Variants in FZD3 observed in about 807,000 individuals in gnomAD.
The protein encoded by FZD3 is frizzled-3.
FZD3 carries 30 observed loss-of-function variants against 60.7 expected under a neutral mutation model. That is an observed-to-expected ratio of 0.49 (90% CI 0.37 to 0.67). FZD3 has a LOEUF of 0.67. FZD3 is among the 30% of genes least tolerant of loss of function. FZD3 has a pLI of 0.00. For missense variants in FZD3, 605 were observed against 838.7 expected (o/e 0.72, Z 3.44); for synonymous variants, 246 against 275.2 (o/e 0.89, Z 1.05).
chr8:28,543,736 A>T (rs1346282457), intron 5 of FZD3, among the ~76,000 whole-genome samples: 2 of 152,064 alleles, frequency 1.3e-5, no homozygotes, highest in Admixed American at 1.3e-4. Flanking sequence ...AAAAAAATGT[A>T]TACAGTCATG....
Position 28,504,156 on chromosome 8 carries a change from C to A in FZD3, c.189+954C>A, listed in dbSNP as rs1413669489. On this transcript the variant is annotated intron_variant, in intron 3 of 7. Transcript: ENST00000240093. The stretch of plus-strand genomic sequence containing the variant: ...GTTCATCATTTTAAGGGAGACTAAC[C>A]TAAGTCTAAGAAAATTTGTAAGATT... Among the ~76,000 whole-genome samples, 4 of 152,052 alleles carry A rather than the reference C, an allele frequency of 2.6e-5. No homozygotes were observed. In the South Asian group the frequency reaches 6.2e-4, roughly 24 times the overall value.
intron 6 of FZD3, among the ~76,000 whole-genome samples, chr8:28,552,296 C>G (rs905137834): frequency 6.6e-6 from 1 of 151,918 alleles, no homozygotes; most frequent in Admixed American, 6.6e-5. Flanking sequence ...ACGTTAAAGC[C>G]AAATAGAAAA....
intron 4 of FZD3, among the ~76,000 whole-genome samples, chr8:28,524,096 A>G (rs192650492): frequency 6.6e-6 from 1 of 152,254 alleles, no homozygotes; most frequent in East Asian, 1.9e-4. Context: ...TTTATAAATT[A>G]CCTAGTCTCA....
intron 6 of FZD3, among the ~76,000 whole-genome samples, chr8:28,552,620 T>C (rs1442413099): frequency 6.6e-6 from 1 of 152,202 alleles, no homozygotes; most frequent in African/African-American, 2.4e-5. Context: ...GTGGGTAGTC[T>C]GTAAATATTT....
chr8:28,519,679 G>A (rs1173725330), intron 3 of FZD3, among the ~76,000 whole-genome samples: 2 of 149,940 alleles, frequency 1.3e-5, no homozygotes, highest in Non-Finnish European at 1.5e-5. Flanking sequence ...GTGGTGAGCC[G>A]AGATCCTGTC....
Position 28,527,224 on chromosome 8 carries a change from T to G in FZD3, c.464T>G (p.Val155Gly), listed in dbSNP as rs775783830. The G allele has an allele frequency of 1.2e-6, 2 of 1,613,816 alleles. No homozygotes were observed. Among genetic ancestry groups the G allele is most frequent in the Non-Finnish European group, 1.7e-6 (2 of 1,179,822 alleles). Residue 155 changes from valine (V) to glycine (G), a missense_variant, in exon 5 of 8, where the codon GTG becomes GGG. By Grantham distance (109) the Val-to-Gly change is moderately radical (BLOSUM62 -3). Coordinates refer to ENST00000240093, the MANE Select transcript of FZD3 (RefSeq NM_017412.4). This position sits in a 1 kb window ranked among gnomAD's most constrained non-coding sequence, Gnocchi z 5.0. The part of the protein sequence containing the change: ...LAGEPTEGAP[V>G]AVQRDYGFWC... ...GGAGAACCAACTGAAGGAGCCCCAG[T>G]GGCAGTGCAGAGAGACTATGGTTTT...
intron 5 of FZD3, among the ~76,000 whole-genome samples, chr8:28,542,458 T>C (rs990158331): frequency 6.6e-6 from 1 of 151,950 alleles, no homozygotes; most frequent in Non-Finnish European, 1.5e-5. Context: ...ACCAAAATGG[T>C]GAAACCCCAT....
chr8:28,524,386 C>A (rs1477085577), intron 4 of FZD3, among the ~76,000 whole-genome samples: 2 of 152,172 alleles, frequency 1.3e-5, no homozygotes, highest in African/African-American at 4.8e-5. Flanking sequence ...GAAATTACAG[C>A]AGTTGTATTT....
chr8:28,541,419 G>A (rs141782786), intron 5 of FZD3, among the ~76,000 whole-genome samples: 1 of 152,202 alleles, frequency 6.6e-6, no homozygotes, highest in African/African-American at 2.4e-5. Context: ...TGGAGGTTTT[G>A]ATTGTTGCTA....
rs1250624969 is a variant in FZD3 at position 28,528,176 on chromosome 8, C to T, written c.1404+12C>T. ...CATGTCCATATCAGGTAAGGGAAAC[C>T]TTGTTACAAATTTCAGAATATATGA... On this transcript the variant is annotated intron_variant, in intron 5 of 7. Transcript: ENST00000240093. The T allele has an allele frequency of 6.3e-7, 1 of 1,577,514 alleles. No individual in the cohort carries two copies. The highest frequency in any genetic ancestry group is 1.4e-5 in the African/African-American group (1 of 73,274).
chr8:28,528,589 TTTC>T (rs1460035088), intron 5 of FZD3, among the ~76,000 whole-genome samples: 1 of 152,344 alleles, frequency 6.6e-6, no homozygotes, highest in African/African-American at 2.4e-5. Context: ...GATCTTGATT[TTTC>T]TTCTTTGCAT....
rs58220119 is a variant in FZD3, at chr8:28,517,829, C to T, written c.190-2809C>T. On this transcript the variant is annotated intron_variant, in intron 3 of 7. Transcript: ENST00000240093. The stretch of plus-strand genomic sequence containing the variant: ...TAGTCATTGTTATATACAGTCTTGT[C>T]TGTTAACTCTAATAGCTGGATCACC... Among the ~76,000 whole-genome samples the T allele has an allele frequency of 4.7e-3, 719 of 152,098 alleles. 26 individuals are homozygous for T. The East Asian group carries it at 0.091, about 19-fold the overall frequency.
At chr8:28,548,847 TCTAA>T (rs1230112916) in intron 5 of FZD3, among the ~76,000 whole-genome samples, 2 of 152,220 alleles carry the variant, frequency 1.3e-5, no homozygotes, top group African/African-American at 4.8e-5. Flanking sequence ...ATAAATTATT[TCTAA>T]CTAAGAACAT....
At chr8:28,498,572 TA>T (rs1803907188) in intron 1 of FZD3, among the ~76,000 whole-genome samples, 1 of 152,218 alleles carries the variant, frequency 6.6e-6, no homozygotes, top group Non-Finnish European at 1.5e-5. Context: ...CAAAAGTTTT[TA>T]TTTTTTTATT....
chr8:28,501,392 C>G (rs1011911957), intron 2 of FZD3, among the ~76,000 whole-genome samples: 1 of 152,104 alleles, frequency 6.6e-6, no homozygotes, highest in African/African-American at 2.4e-5. Context: ...GTTTCTTTCC[C>G]CACTTAAGCC....
At chr8:28,510,294 G>A (rs1442274139) in intron 3 of FZD3, among the ~76,000 whole-genome samples, 1 of 152,202 alleles carries the variant, frequency 6.6e-6, no homozygotes, top group African/African-American at 2.4e-5. Context: ...AATGTTGCAA[G>A]TGTGTTTTCA....
At chr8:28,495,182 A>G (rs1328478540) in intron 1 of FZD3, among the ~76,000 whole-genome samples, 3 of 152,234 alleles carry the variant, frequency 2.0e-5, no homozygotes, top group Admixed American at 1.3e-4. Flanking sequence ...AGAGAAGCCA[A>G]GGGTGCTTTT....
chr8:28,527,594 A>G lies in FZD3; in HGVS notation c.834A>G (p.Thr278=). ...CACAATATAAGGCTTCCACAGTGAC[A>G]CAAGGATCTCATAATAAAGCCTGTA... ...IPAQYKASTV[T]QGSHNKACTM... is the part of the protein sequence containing the mutation. The change falls in exon 5 of 8, where the codon ACA becomes ACG. Residue 278 remains threonine, a synonymous_variant. Transcript: ENST00000240093. This position sits in a 1 kb window ranked among gnomAD's most constrained non-coding sequence, Gnocchi z 5.0. 1 of 1,614,006 alleles carries G rather than the reference A, an allele frequency of 6.2e-7. No homozygotes were observed. The highest frequency in any genetic ancestry group is 1.1e-5 in the South Asian group (1 of 91,068).
At chr8:28,542,702 G>C (rs141304834) in intron 5 of FZD3, among the ~76,000 whole-genome samples, 26 of 152,034 alleles carry the variant, frequency 1.7e-4, no homozygotes, top group African/African-American at 5.8e-4. Context: ...ACCCACACAC[G>C]CTATCCCCTA....
Sources: allele counts gnomAD v4.1 joint callset (sites outside exome capture counted in the v4.1 genomes callset), GRCh38; gene constraint gnomAD v4.1.1; non-coding constraint Gnocchi (gnomAD v3.1); transcripts MANE v1.5; gene names NCBI Gene and HGNC (gene_info 2026-07-23, HGNC 2026-07-21).